The following DPYD variants were observed in gnomAD, a reference collection of about 807,000 sequenced individuals.
The protein encoded by DPYD is dihydropyrimidine dehydrogenase, also known as dihydropyrimidine dehydrogenase [NADP(+)].
In DPYD, 109 loss-of-function variants were observed where a neutral mutation model predicts 116.2. The ratio of observed to expected loss-of-function variants is 0.94; its 90% confidence interval spans 0.80 to 1.10. The LOEUF (loss-of-function observed/expected upper bound fraction) is 1.10. Ranked by LOEUF, DPYD falls within the 50% of genes least tolerant of loss-of-function variation. DPYD has a pLI of 0.00. For synonymous variants in DPYD, 440 were observed against 432.0 expected (o/e 1.02, Z -0.23); for missense variants, 1,302 against 1,254.5 (o/e 1.04, Z -0.57).
At chr1:97,778,170 A>AAAAAGAAAG (rs1215956193) in intron 3 of DPYD, among the ~76,000 whole-genome samples, 3 of 88,624 alleles carry the variant, frequency 3.4e-5, no homozygotes, top group African/African-American at 4.3e-5. Context: ...AAAAAAAAAA[A>AAAAAGAAAG]AAAGAAAGAA....
At chr1:97,883,643 C>T (rs1487260398) in intron 1 of DPYD, among the ~76,000 whole-genome samples, 5 of 151,796 alleles carry the variant, frequency 3.3e-5, no homozygotes, top group East Asian at 3.9e-4. Context: ...GATGAGGTTT[C>T]GCCATGTTGC....
intron 13 of DPYD, among the ~76,000 whole-genome samples, chr1:97,480,475 G>GA (rs1678235549): frequency 6.6e-6 from 1 of 152,044 alleles, no homozygotes; most frequent in Admixed American, 6.5e-5. Context: ...GTTTAAATTG[G>GA]AAAAAAGTGT....
At chr1:97,166,249 T>A (rs556949225) in intron 20 of DPYD, among the ~76,000 whole-genome samples, 1 of 152,302 alleles carries the variant, frequency 6.6e-6, no homozygotes, top group East Asian at 1.9e-4. Flanking sequence ...GAATACTATG[T>A]AGCCATAACA....
intron 16 of DPYD, among the ~76,000 whole-genome samples, chr1:97,325,580 A>C (rs1308516519): frequency 6.6e-6 from 1 of 152,046 alleles, no homozygotes; most frequent in Non-Finnish European, 1.5e-5. Flanking sequence ...CAGACATAAA[A>C]ATGATCCAAA....
intron 11 of DPYD, among the ~76,000 whole-genome samples, chr1:97,571,409 ACTTGGAGGAGAG>A (rs1652886481): frequency 1.3e-5 from 2 of 151,884 alleles, no homozygotes; most frequent in Non-Finnish European, 2.9e-5. Context: ...AGTTTAAGTG[ACTTGGAGGAGAG>A]CATTTTAAAC....
intron 20 of DPYD, among the ~76,000 whole-genome samples, chr1:97,132,980 TA>T (rs1310037987): frequency 6.6e-6 from 1 of 152,106 alleles, no homozygotes; most frequent in Non-Finnish European, 1.5e-5. Flanking sequence ...ACATGAATAT[TA>T]TTTTTTTTGC....
At chr1:97,711,177 T>C (rs1662265022) in intron 5 of DPYD, among the ~76,000 whole-genome samples, 1 of 151,902 alleles carries the variant, frequency 6.6e-6, no homozygotes, top group Admixed American at 6.6e-5. Flanking sequence ...AAGATTATAG[T>C]CTGTGTTATT....
At chr1:97,195,928 C>T (rs1658778182) in intron 19 of DPYD, among the ~76,000 whole-genome samples, 1 of 151,204 alleles carries the variant, frequency 6.6e-6, no homozygotes, top group Admixed American at 6.6e-5. Flanking sequence ...ATAACATTTG[C>T]CTTTATAGGA....
chr1:97,870,168 T>C (rs1671586138), intron 2 of DPYD, among the ~76,000 whole-genome samples: 1 of 151,824 alleles, frequency 6.6e-6, no homozygotes, highest in African/African-American at 2.4e-5. Context: ...TTCTGGGGAA[T>C]AGGTTAGTAA....
At chr1:97,238,350 C>T (rs1356675597) in intron 18 of DPYD, among the ~76,000 whole-genome samples, 5 of 152,010 alleles carry the variant, frequency 3.3e-5, no homozygotes, top group African/African-American at 1.2e-4. Flanking sequence ...TATAACTCAA[C>T]TGATTTAATA....
intron 14 of DPYD, among the ~76,000 whole-genome samples, chr1:97,410,275 C>T (rs759795853): frequency 1.3e-5 from 2 of 151,876 alleles, no homozygotes; most frequent in African/African-American, 2.4e-5. Context: ...GAGTAGATGC[C>T]CTGTAAATAC....
chr1:97,738,698 T>C (rs1314598863), intron 4 of DPYD, among the ~76,000 whole-genome samples: 2 of 152,050 alleles, frequency 1.3e-5, no homozygotes, highest in Admixed American at 1.3e-4. Flanking sequence ...AGAGTTTTTT[T>C]TTTTTTTGAG....
At chr1:97,484,994 A>C (rs1678539355) in intron 13 of DPYD, among the ~76,000 whole-genome samples, 1 of 151,910 alleles carries the variant, frequency 6.6e-6, no homozygotes, top group Non-Finnish European at 1.5e-5. Context: ...GACTACTTTT[A>C]AGGGCTTTTC....
chr1:97,592,153 AG>A (rs1654562445), intron 10 of DPYD, among the ~76,000 whole-genome samples: 1 of 152,218 alleles, frequency 6.6e-6, no homozygotes, highest in Admixed American at 6.5e-5. Flanking sequence ...TTCCGAAGCA[AG>A]TCAAGTTCAT....
At chr1:97,471,334 G>A (rs936776323) in intron 13 of DPYD, among the ~76,000 whole-genome samples, 3 of 152,098 alleles carry the variant, frequency 2.0e-5, no homozygotes, top group Non-Finnish European at 2.9e-5. Flanking sequence ...CAAAGAGTCC[G>A]GGAAGGAGAC....
chr1:97,919,520 C>T lies in DPYD; in HGVS notation c.39+1364G>A, dbSNP rs547336103. ...CCAAAAGCCACCCATCCTAAGTCAA[C>T]TCCGATATCTTAAATCAATACTGCC... On this transcript the variant is annotated intron_variant, in intron 1 of 22. Transcript: ENST00000370192. Among the ~76,000 whole-genome samples, 8 of 152,320 alleles carry T rather than the reference C, an allele frequency of 5.3e-5. No individual in the cohort carries two copies. In the South Asian group the frequency reaches 1.7e-3, roughly 32 times the overall value.
chr1:97,873,562 A>G (rs772107116), intron 2 of DPYD, among the ~76,000 whole-genome samples: 4 of 151,990 alleles, frequency 2.6e-5, no homozygotes, highest in Non-Finnish European at 5.9e-5. Context: ...AAACTTACAT[A>G]AAAATTCTTC....
chr1:97,815,402 G>C (rs1204643817), intron 3 of DPYD, among the ~76,000 whole-genome samples: 3 of 152,196 alleles, frequency 2.0e-5, no homozygotes, highest in Admixed American at 6.5e-5. Flanking sequence ...ACATTGAAAA[G>C]AGGAGGACAT....
chr1:97,444,636 T>C (rs1675974886), intron 14 of DPYD, among the ~76,000 whole-genome samples: 1 of 152,048 alleles, frequency 6.6e-6, no homozygotes, highest in South Asian at 2.1e-4. Flanking sequence ...CACACAAACA[T>C]ACATATATAT....
Sources: allele counts gnomAD v4.1 joint callset (sites outside exome capture counted in the v4.1 genomes callset), GRCh38; gene constraint gnomAD v4.1.1; transcripts MANE v1.5; gene names NCBI Gene and HGNC (gene_info 2026-07-23, HGNC 2026-07-21).